CUX1: variants seen among roughly 807,000 people sequenced by gnomAD.
The protein encoded by CUX1 is protein CASP.
Under a neutral mutation model 158.8 loss-of-function variants are expected in CUX1, and 31 were observed. The observed-to-expected ratio is 0.20, with a 90% CI of 0.15 to 0.26. The LOEUF is 0.26. Among genes scored for constraint, CUX1 ranks in the 10% least tolerant of loss-of-function variants. CUX1 has a pLI of 1.00. For synonymous variants in CUX1, 879 were observed against 862.1 expected (o/e 1.02, Z -0.34); for missense variants, 1,589 against 2,014.6 (o/e 0.79, Z 4.04).
At chr7:102,283,068 C>T (rs782367717) in exon 23 of CUX1, 34 of 1,613,520 alleles carry the variant, frequency 2.1e-5, no homozygotes, top group Non-Finnish European at 2.7e-5. Flanking sequence ...AACGGGGCTG[C>T]GGCTGGTGAC....
At chr7:102,051,225 C>G (rs1823454445) in intron 3 of CUX1, among the ~76,000 whole-genome samples, 1 of 152,108 alleles carries the variant, frequency 6.6e-6, no homozygotes, top group African/African-American at 2.4e-5. Flanking sequence ...TAGCCCTCCT[C>G]TCCCCACTGA....
chr7:102,127,515 G>GT (rs1218349605), intron 8 of CUX1, among the ~76,000 whole-genome samples: 2 of 151,946 alleles, frequency 1.3e-5, no homozygotes, highest in Admixed American at 1.3e-4. Context: ...AAACTCGTCT[G>GT]TTTTTTACCA....
At position 102,105,176 on chromosome 7, in the gene CUX1, TACACACACAC is replaced by T. The variant is rs3076512; in HGVS notation, c.530+747_530+756del. Among the ~76,000 whole-genome samples, 1,291 of 144,516 alleles carry T rather than the reference TACACACACAC, an allele frequency of 8.9e-3. 3 individuals are homozygous for T. The highest frequency in any genetic ancestry group is 0.013 in the African/African-American group (522 of 39,334). 94.8% of individuals were successfully genotyped at this position (144,516 alleles called of 152,430 possible). On this transcript the variant is annotated intron_variant, in intron 6 of 23. Coordinates refer to ENST00000292535, the MANE Select transcript of CUX1 (RefSeq NM_181552.4). ...TCTCAAGCAAATTGATATTTAATATTACACACACACACACACACACACACACACACACACA... is the reference window on the plus strand; with the variant it reads ...TCTCAAGCAAATTGATATTTAATATTACACACACACACACACACACACACA...
chr7:102,108,736 T>TTGTGTGTGTGTGTGTG (rs10527026), intron 6 of CUX1, among the ~76,000 whole-genome samples: 6,337 of 144,964 alleles, frequency 0.044, 176 homozygotes, highest in Non-Finnish European at 0.052. Flanking sequence ...TTCATTCATT[T>TTGTGTGTGTGTGTGTG]TGTGTGTGTG....
intron 2 of CUX1, among the ~76,000 whole-genome samples, chr7:101,992,918 C>T (rs897940119): frequency 3.9e-5 from 6 of 152,134 alleles, no homozygotes; most frequent in African/African-American, 1.4e-4. Context: ...AGTCTCCAGA[C>T]TTAGGGAGCC....
At chr7:101,993,385 C>CA (rs1318991386) in intron 2 of CUX1, among the ~76,000 whole-genome samples, 1 of 152,132 alleles carries the variant, frequency 6.6e-6, no homozygotes, top group African/African-American at 2.4e-5. Flanking sequence ...GAGATGGCCA[C>CA]AGGCCTCCAG....
chr7:102,225,392 G>A (rs532949466), intron 20 of CUX1, among the ~76,000 whole-genome samples: 1 of 152,212 alleles, frequency 6.6e-6, no homozygotes, highest in East Asian at 1.9e-4. Context: ...TGGCAGGTTA[G>A]TGTATCCTGG....
At chr7:102,085,548 G>A (rs2130791358) in intron 4 of CUX1, among the ~76,000 whole-genome samples, 1 of 152,300 alleles carries the variant, frequency 6.6e-6, no homozygotes, top group South Asian at 2.1e-4. Context: ...GCTGCCATGT[G>A]AGGAAGGACA....
intron 20 of CUX1, among the ~76,000 whole-genome samples, chr7:102,216,551 CACACGCACACACACT>C (rs1797097897): frequency 7.9e-6 from 1 of 127,238 alleles, no homozygotes; most frequent in South Asian, 2.6e-4. Context: ...CACACACCCA[CACACGCACACACACT>C]CCCACACACA....
intron 20 of CUX1, among the ~76,000 whole-genome samples, chr7:102,206,472 G>A (rs911882783): frequency 1.3e-5 from 2 of 152,180 alleles, no homozygotes; most frequent in Admixed American, 6.6e-5. Flanking sequence ...TTTTACGGAC[G>A]TCTGCTTGGA....
intron 20 of CUX1, among the ~76,000 whole-genome samples, chr7:102,216,631 CCCCACACACGCACACACACACACTCT>C (rs1219312098): frequency 0.017 from 1,070 of 61,270 alleles, 22 homozygotes; most frequent in African/African-American, 0.049. Context: ...ACACACACAC[CCCCACACACGCACACACACACACTCT>C]CCCACACACA....
Position 102,256,759 on chromosome 7 carries a change from G to A in CUX1, c.*7717G>A, listed in dbSNP as rs903502997. ...AAGACTTCTGGGTTCATGAAGTTTC[G>A]GCGAGCCGTGGTCAGAGAGGGCGCG... On this transcript the variant is annotated 3_prime_UTR_variant, in exon 24 of 24. Coordinates refer to ENST00000292535, the MANE Select transcript of CUX1 (RefSeq NM_181552.4). 1.0e-5 allele frequency: 10 copies of A among 985,258 alleles called. No homozygotes were observed. The highest frequency in any genetic ancestry group is 9.4e-5 in the South Asian group (2 of 21,286). 61.0% of individuals were successfully genotyped at this position (985,258 alleles called of 1,614,324 possible). A position where few individuals can be genotyped will look rare whatever the true frequency, so the allele number is the denominator to read the frequency against.
At chr7:101,830,372 G>A (rs571607922) in intron 1 of CUX1, among the ~76,000 whole-genome samples, 2 of 152,338 alleles carry the variant, frequency 1.3e-5, no homozygotes, top group East Asian at 1.9e-4. Context: ...TGGTCACAGC[G>A]ACATCCCTGA....
At chr7:101,830,034 G>A (rs1258263369) in intron 1 of CUX1, among the ~76,000 whole-genome samples, 1 of 152,240 alleles carries the variant, frequency 6.6e-6, no homozygotes, top group Non-Finnish European at 1.5e-5. Flanking sequence ...GTGAGTGCTA[G>A]ATGGGGTGTC....
At chr7:102,147,468 G>A (rs1270792244) in intron 8 of CUX1, among the ~76,000 whole-genome samples, 2 of 152,184 alleles carry the variant, frequency 1.3e-5, no homozygotes, top group East Asian at 3.8e-4. Context: ...ACAAAAAGAA[G>A]CCTAATTCTG....
At chr7:101,862,911 T>A (rs1014959833) in intron 1 of CUX1, among the ~76,000 whole-genome samples, 7 of 149,254 alleles carry the variant, frequency 4.7e-5, no homozygotes, top group Non-Finnish European at 8.9e-5. Flanking sequence ...TTTTTTTTTT[T>A]ACTTATTACA....
intron 1 of CUX1, among the ~76,000 whole-genome samples, chr7:101,850,462 T>G (rs1418950305): frequency 1.3e-5 from 2 of 148,690 alleles, no homozygotes; most frequent in Non-Finnish European, 3.0e-5. Flanking sequence ...CTCTCTTTGT[T>G]GTCCAGGCTG....
At chr7:102,029,226 C>T (rs1385270216) in intron 3 of CUX1, among the ~76,000 whole-genome samples, 1 of 152,124 alleles carries the variant, frequency 6.6e-6, no homozygotes, top group African/African-American at 2.4e-5. Context: ...CTCCTGACCT[C>T]AGGTGATCCA....
intron 8 of CUX1, among the ~76,000 whole-genome samples, chr7:102,119,188 T>G (rs1332253001): frequency 6.6e-6 from 1 of 152,174 alleles, no homozygotes; most frequent in African/African-American, 2.4e-5. Context: ...GTTTCTGAAA[T>G]TAACGGCCTT....
Sources: allele counts gnomAD v4.1 joint callset (sites outside exome capture counted in the v4.1 genomes callset), GRCh38; gene constraint gnomAD v4.1.1; transcripts MANE v1.5; gene names NCBI Gene and HGNC (gene_info 2026-07-23, HGNC 2026-07-21).